Variants in TMEM218 observed in about 807,000 individuals in gnomAD.
TMEM218 encodes the protein transmembrane protein 218.
A neutral mutation model predicts 10.0 loss-of-function variants in TMEM218; 8 were observed. That is an observed-to-expected ratio of 0.80 (90% CI 0.47 to 1.44). The LOEUF (loss-of-function observed/expected upper bound fraction) is 1.44, where lower values mean the gene tolerates loss of function less well. Among genes scored for constraint, TMEM218 ranks in the 40% most tolerant of loss-of-function variants. TMEM218 has a pLI of 0.00. For synonymous variants in TMEM218, 66 were observed against 63.5 expected (o/e 1.04, Z -0.18); for missense variants, 110 against 140.1 (o/e 0.79, Z 1.08).
At chr11:125,106,770 A>G (rs1314502259) in intron 1 of TMEM218, among the ~76,000 whole-genome samples, 1 of 152,212 alleles carries the variant, frequency 6.6e-6, no homozygotes, top group Non-Finnish European at 1.5e-5. Flanking sequence ...TTTGGAGACT[A>G]TTGGCAGTAT....
rs1284419966 is a variant in TMEM218 at position 125,101,224 on chromosome 11, G to T, written c.190C>A (p.Pro64Thr). Residue 64 changes from proline (P) to threonine (T), a missense_variant, in exon 4 of 5, where the codon CCA becomes ACA. Physicochemically the swap from Pro to Thr is conservative, Grantham distance 38. Transcript: ENST00000682305. ...LLLFPRAGEFPAPEVEVKIVD... is the reference protein window; with the variant it reads ...LLLFPRAGEFTAPEVEVKIVD... ...ACCTTAACTTCCACTTCTGGGGCTG[G>T]GAATTCACCAGCTCGCGGGAAAAGC... The T allele has an allele frequency of 6.2e-7, 1 of 1,613,558 alleles. No individual in the cohort carries two copies. Among genetic ancestry groups the T allele is most frequent in the East Asian group, 2.2e-5 (1 of 44,878 alleles).
Position 125,097,329 on chromosome 11 carries a change from CTATTT to C in TMEM218, c.*272_*276del. The C allele has an allele frequency of 3.6e-6, 1 of 276,580 alleles. No homozygotes were observed. 17.1% of individuals were successfully genotyped at this position (276,580 alleles called of 1,614,324 possible). On this transcript the variant is annotated 3_prime_UTR_variant, in exon 5 of 5. Transcript: ENST00000682305. Reference sequence around the variant, plus strand: ...ATCCACTCTAAGCAGATCACTGTTACTATTTCCCTTTCAAAACAGTTGGAAATCCT... The same window carrying C: ...ATCCACTCTAAGCAGATCACTGTTACCCCTTTCAAAACAGTTGGAAATCCT...
At chr11:125,101,135 C>T (rs184276178) in intron 4 of TMEM218, 66 bp downstream of exon 4, 14 of 1,337,098 alleles carry the variant, frequency 1.0e-5, no homozygotes, top group Admixed American at 5.5e-5. Flanking sequence ...AAGGGCAGGA[C>T]GGATGTGCAG....
At chr11:125,104,993 C>G (rs1278320026) in intron 1 of TMEM218, 1 of 152,186 alleles carries the variant, frequency 6.6e-6, no homozygotes, top group Non-Finnish European at 1.5e-5. Context: ...GGGTGATTCT[C>G]TTCAGGGCAG....
intron 4 of TMEM218, among the ~76,000 whole-genome samples, chr11:125,100,263 A>C (rs1319831131): frequency 6.6e-6 from 1 of 152,226 alleles, no homozygotes; most frequent in Non-Finnish European, 1.5e-5. Flanking sequence ...GACGGACCTC[A>C]GCTTGAATCC....
chr11:125,108,719 T>C lies in TMEM218; in HGVS notation c.-153+2820A>G, dbSNP rs1565439425. Among the ~76,000 whole-genome samples the C allele has an allele frequency of 6.6e-6, 1 of 152,222 alleles. No homozygotes were observed. The highest frequency in any genetic ancestry group is 1.5e-5 in the Non-Finnish European group (1 of 68,018). On this transcript the variant is annotated intron_variant, in intron 1 of 4. Transcript: ENST00000682305. The surrounding 1 kb of genome is among the most constrained non-coding windows in gnomAD (Gnocchi z 5.3). ...AGTTGCATTCCTGGAAATTTTACTA[T>C]ATTAAACTGTGCCAAAAAATACATT...
Position 125,095,226 on chromosome 11 carries a change from T to A in TMEM218, c.*2380A>T, listed in dbSNP as rs557463532. On this transcript the variant is annotated 3_prime_UTR_variant, in exon 5 of 5. Coordinates refer to ENST00000682305, the MANE Select transcript of TMEM218 (RefSeq NM_001258244.2). The stretch of plus-strand genomic sequence containing the variant: ...CTCTCCCTCTCCACCTTCTAAACAG[T>A]GGGGATCACCAGTCTGCCACAGGAT... Among the ~76,000 whole-genome samples, 1 of 152,280 alleles carries A rather than the reference T, an allele frequency of 6.6e-6. No homozygotes were observed. The highest frequency in any genetic ancestry group is 2.1e-4 in the South Asian group (1 of 4,834).
In TMEM218 at chr11:125,102,444, G is replaced by C. The variant is rs1056264206; in HGVS notation, c.-76-127C>G. The C allele has an allele frequency of 9.4e-6, 14 of 1,490,474 alleles. No individual in the cohort carries two copies. The African/African-American group carries it at 1.7e-4, about 18-fold the overall frequency. The allele number at this position is 1,490,474 out of a possible 1,614,324, so 92.3% of individuals were successfully genotyped here. On this transcript the variant is annotated intron_variant, in intron 2 of 4. Transcript: ENST00000682305. The stretch of plus-strand genomic sequence containing the variant: ...ATTTTCAGAAATGTCCAGTCCCAGA[G>C]TCCCTTAATGGAAACTGGAAATTTA...
At chr11:125,107,196 A>T (rs747534741) in intron 1 of TMEM218, among the ~76,000 whole-genome samples, 2 of 152,194 alleles carry the variant, frequency 1.3e-5, no homozygotes, top group Non-Finnish European at 2.9e-5. Flanking sequence ...TGTGAAACAT[A>T]GTGACTGTAG....
chr11:125,097,678 A>G lies in TMEM218; in HGVS notation c.276T>C (p.Leu92=), dbSNP rs978558914. ...VLLAFLSAIF[L]GGLFLVLIHY... ...GGATTAAAACCAAGAAGAGGCCTCCAAGGAAGATGGCACTAAGGAAAGCCA... is the reference window on the plus strand; with the variant it reads ...GGATTAAAACCAAGAAGAGGCCTCCGAGGAAGATGGCACTAAGGAAAGCCA... Residue 92 remains leucine (L), a synonymous_variant, in exon 5 of 5, where the codon CTT becomes CTC. Transcript: ENST00000682305. 3.1e-6 allele frequency: 5 copies of G among 1,614,094 alleles called. No individual in the cohort carries two copies. Among genetic ancestry groups the G allele is most frequent in the Non-Finnish European group, 3.4e-6 (4 of 1,180,016 alleles).
At chr11:125,101,793 G>C (rs994565819) in intron 3 of TMEM218, 2 of 474,490 alleles carry the variant, frequency 4.2e-6, no homozygotes, top group Non-Finnish European at 7.3e-6. Context: ...CGTTTTCCTG[G>C]GTCCAGGGCT....
chr11:125,100,516 G>A (rs1347875281), intron 4 of TMEM218, among the ~76,000 whole-genome samples: 1 of 152,182 alleles, frequency 6.6e-6, no homozygotes, highest in Non-Finnish European at 1.5e-5. Flanking sequence ...AAGGTTGAGA[G>A]GAAAGCTGTG....
Position 125,097,598 on chromosome 11 carries a change from A to T in TMEM218, c.*8T>A. 6.2e-7 allele frequency: 1 copy of T among 1,613,210 alleles called. No homozygotes were observed. Among genetic ancestry groups the T allele is most frequent in the Non-Finnish European group, 8.5e-7 (1 of 1,179,520 alleles). On this transcript the variant is annotated 3_prime_UTR_variant, in exon 5 of 5. Transcript: ENST00000682305. ...GAGAGAACAGGTTTTCGTTTTCCTG[A>T]AGAGTGGTCAGTAGGAGTGCAGTGG...
intron 3 of TMEM218, 106 bp from the exon 4 acceptor site, chr11:125,101,409 C>A: frequency 6.6e-7 from 1 of 1,518,944 alleles, no homozygotes; most frequent in Non-Finnish European, 8.8e-7. Context: ...ATGTTTCAGT[C>A]CCTTAACAAT....
intron 1 of TMEM218, chr11:125,103,632 T>C (rs1028829806): frequency 2.6e-5 from 4 of 152,230 alleles, no homozygotes; most frequent in African/African-American, 7.2e-5. Context: ...CTTAACTTAA[T>C]TAAATCTGCA....
chr11:125,102,523 G>T (rs113203572), intron 2 of TMEM218: 3 of 1,436,614 alleles, frequency 2.1e-6, no homozygotes, highest in Non-Finnish European at 2.8e-6. Flanking sequence ...TCCGCTCTGC[G>T]CTCAGAAGTT....
chr11:125,103,490 C>A (rs894932028), intron 1 of TMEM218: 2 of 152,468 alleles, frequency 1.3e-5, no homozygotes, highest in East Asian at 1.9e-4. Context: ...GCTTTTAACT[C>A]ACAACTCCAG....
At chr11:125,104,654 T>C (rs1951702170) in intron 1 of TMEM218, 1 of 152,144 alleles carries the variant, frequency 6.6e-6, no homozygotes, top group Non-Finnish European at 1.5e-5. Context: ...AGCACAGAGA[T>C]TATGCACAAC....
In TMEM218 at chr11:125,107,648, G is replaced by A. The variant is rs1043707712; in HGVS notation, c.-153+3891C>T. On this transcript the variant is annotated intron_variant, in intron 1 of 4. Transcript: ENST00000682305. ...TTTCTAGGAGCTTTCTATTACCTCA[G>A]TGAGAGGAGGTGAAGGGGCTGACAT... 6.6e-5 allele frequency among the ~76,000 whole-genome samples: 10 copies of A among 152,072 alleles called. 1 individual carries two copies. The highest frequency in any genetic ancestry group is 2.4e-4 in the African/African-American group (10 of 41,422).
Sources: gnomAD v4.1 joint callset for allele counts (sites outside exome capture counted in the v4.1 genomes callset) on GRCh38, gnomAD v4.1.1 for gene constraint, Gnocchi (gnomAD v3.1) non-coding constraint, MANE v1.5 for transcripts, NCBI Gene and HGNC (gene_info 2026-07-23, HGNC 2026-07-21) for gene names.